NEO1: variants seen among roughly 807,000 people sequenced by gnomAD.
NEO1 encodes neogenin.
NEO1 carries 63 observed loss-of-function variants against 159.7 expected under a neutral mutation model. That is an observed-to-expected ratio of 0.39 (90% CI 0.32 to 0.49). The LOEUF is 0.49. Among genes scored for constraint, NEO1 ranks in the 20% least tolerant of loss-of-function variants. NEO1 has a pLI of 0.85. For synonymous variants in NEO1, 633 were observed against 662.0 expected, an observed-to-expected ratio of 0.96 and a Z score of 0.67; for missense variants, 1,615 against 1,831.0, an observed-to-expected ratio of 0.88 and a Z score of 2.15.
At chr15:73,225,943 C>T (rs943860380) in intron 7 of NEO1, among the ~76,000 whole-genome samples, 2 of 152,150 alleles carry the variant, frequency 1.3e-5, no homozygotes, top group Admixed American at 6.5e-5. Flanking sequence ...TGCCTGGGGA[C>T]CTAGTGAGCT....
At chr15:73,245,119 CTAAGA>C (rs916285217) in intron 9 of NEO1, among the ~76,000 whole-genome samples, 5 of 152,074 alleles carry the variant, frequency 3.3e-5, no homozygotes, top group African/African-American at 1.2e-4. Flanking sequence ...TCTCCACAGT[CTAAGA>C]TATTTATCAC....
intron 7 of NEO1, among the ~76,000 whole-genome samples, chr15:73,194,083 A>G (rs1468501219): frequency 6.6e-6 from 1 of 152,200 alleles, no homozygotes; most frequent in Admixed American, 6.5e-5. Context: ...TTTAATACCA[A>G]GTCAAAGGGT....
At chr15:73,233,093 A>G (rs753176161) in intron 7 of NEO1, among the ~76,000 whole-genome samples, 5 of 152,136 alleles carry the variant, frequency 3.3e-5, no homozygotes, top group Admixed American at 2.0e-4. Context: ...GTCCCAATCT[A>G]CATCATCTTG....
At chr15:73,088,015 T>C (rs2069460869) in intron 1 of NEO1, among the ~76,000 whole-genome samples, 1 of 152,096 alleles carries the variant, frequency 6.6e-6, no homozygotes, top group Admixed American at 6.5e-5. Context: ...ATTTGACATA[T>C]GTAAGGCTGC....
At chr15:73,249,544 C>A in intron 10 of NEO1, 39 bp from the exon 11 acceptor site, 1 of 1,539,928 alleles carries the variant, frequency 6.5e-7, no homozygotes, top group South Asian at 1.3e-5. Context: ...TTTCTTTTGG[C>A]TTGAGTGCAT....
intron 6 of NEO1, among the ~76,000 whole-genome samples, chr15:73,177,723 T>C (rs574587289): frequency 2.0e-5 from 3 of 152,214 alleles, no homozygotes; most frequent in African/African-American, 7.2e-5. Flanking sequence ...GTATTTTTTG[T>C]AGAGATGGGG....
intron 1 of NEO1, among the ~76,000 whole-genome samples, chr15:73,115,436 T>C (rs1466255053): frequency 6.6e-6 from 1 of 152,244 alleles, no homozygotes; most frequent in Non-Finnish European, 1.5e-5. Context: ...GGAAAACTTT[T>C]AAAACAATTG....
intron 5 of NEO1, among the ~76,000 whole-genome samples, chr15:73,160,902 C>T (rs2034126558): frequency 6.6e-6 from 1 of 152,160 alleles, no homozygotes. Context: ...ATCTCCCCTT[C>T]TGGAGTTTGG....
intron 1 of NEO1, among the ~76,000 whole-genome samples, chr15:73,096,076 T>C (rs2151476501): frequency 6.6e-6 from 1 of 152,164 alleles, no homozygotes; most frequent in East Asian, 1.9e-4. Flanking sequence ...AGGTTACAAA[T>C]AGATAACTCA....
At chr15:73,258,686 T>C in intron 13 of NEO1, 80 bp from the exon 14 acceptor site, 1 of 1,194,868 alleles carries the variant, frequency 8.4e-7, no homozygotes, top group South Asian at 1.3e-5. Context: ...GACTGAGATG[T>C]TTGCCTTAAT....
intron 5 of NEO1, among the ~76,000 whole-genome samples, chr15:73,166,923 C>T (rs1596229116): frequency 6.6e-6 from 1 of 152,066 alleles, no homozygotes; most frequent in African/African-American, 2.4e-5. Flanking sequence ...GGCACATATA[C>T]ACCATGGAAT....
At chr15:73,198,733 T>C (rs1283871258) in intron 7 of NEO1, among the ~76,000 whole-genome samples, 2 of 152,068 alleles carry the variant, frequency 1.3e-5, no homozygotes, top group African/African-American at 2.4e-5. Flanking sequence ...TGTTGTATCC[T>C]GGGAAAGTCC....
Position 73,229,528 on chromosome 15 carries a change from T to C in NEO1, c.1292-6819T>C, listed in dbSNP as rs75849512. The stretch of plus-strand genomic sequence containing the variant: ...TCATTCACACATGAAAATAGTGTTA[T>C]TTCTTCCTTTCCCATCAGTATTTCC... On this transcript the variant is annotated intron_variant, in intron 7 of 28. Transcript: ENST00000261908. Among the ~76,000 whole-genome samples the C allele has an allele frequency of 8.5e-3, 1,289 of 151,998 alleles. 21 individuals are homozygous for C. The highest frequency in any genetic ancestry group is 0.029 in the African/African-American group (1,218 of 41,502).
At chr15:73,108,599 A>G (rs1167182057) in intron 1 of NEO1, among the ~76,000 whole-genome samples, 1 of 152,014 alleles carries the variant, frequency 6.6e-6, no homozygotes, top group African/African-American at 2.4e-5. Flanking sequence ...AAGACGGGTC[A>G]TTTTAATACT....
chr15:73,060,834 C>G (rs6495046), intron 1 of NEO1, among the ~76,000 whole-genome samples: 106,220 of 151,556 alleles, frequency 0.7, 38,239 homozygotes, highest in African/African-American at 0.87. Flanking sequence ...TATTTTTGTA[C>G]AGACAGGGTT....
rs573052888 is a variant in NEO1 at position 73,252,818 on chromosome 15, C to T, written c.1895-582C>T. ...CAGCCTGGCCAACATGGTGAAACCC[C>T]GTCTCTACTAAAAATACAAAAATTA... On this transcript the variant is annotated intron_variant, in intron 11 of 28. Coordinates refer to ENST00000261908, the MANE Select transcript of NEO1 (RefSeq NM_002499.4). Among the ~76,000 whole-genome samples, 19 of 152,046 alleles carry T rather than the reference C, an allele frequency of 1.2e-4. No homozygotes were observed. The East Asian group carries it at 2.1e-3, about 17-fold the overall frequency.
chr15:73,194,102 G>A (rs574143019), intron 7 of NEO1, among the ~76,000 whole-genome samples: 1 of 152,302 alleles, frequency 6.6e-6, no homozygotes, highest in Admixed American at 6.5e-5. Context: ...GTTGGAATTT[G>A]TTGAGCAGTT....
chr15:73,254,795 G>A lies in NEO1; in HGVS notation c.2058G>A (p.Leu686=). The change falls in exon 13 of 29, where the codon TTG becomes TTA. Residue 686 remains leucine, a synonymous_variant. Transcript: ENST00000261908. ...ASRKSDVTET[L]VSGTQLSQLI... is the part of the protein sequence containing the mutation. ...GAAAGAGTGATGTCACTGAGACCTT[G>A]GTAAGCGGGACACAGCTGTCTCAGC... 1 of 1,614,016 alleles carries A rather than the reference G, an allele frequency of 6.2e-7. No individual in the cohort carries two copies. Among genetic ancestry groups the A allele is most frequent in the South Asian group, 1.1e-5 (1 of 91,058 alleles).
intron 4 of NEO1, among the ~76,000 whole-genome samples, chr15:73,129,308 T>C (rs886603699): frequency 6.6e-6 from 1 of 152,180 alleles, no homozygotes; most frequent in Non-Finnish European, 1.5e-5. Context: ...AGGCCTCAGC[T>C]AATAAATTAT....
Sources: gnomAD v4.1 joint callset for allele counts (sites outside exome capture counted in the v4.1 genomes callset) on GRCh38, gnomAD v4.1.1 for gene constraint, MANE v1.5 for transcripts, NCBI Gene and HGNC (gene_info 2026-07-23, HGNC 2026-07-21) for gene names.